The following SH3RF2 variants were observed in gnomAD, a reference collection of about 807,000 sequenced individuals.
SH3RF2 encodes SH3 domain containing ring finger 2, also known as E3 ubiquitin-protein ligase SH3RF2.
A neutral mutation model predicts 59.0 loss-of-function variants in SH3RF2; 43 were observed. The ratio of observed to expected loss-of-function variants is 0.73; its 90% confidence interval spans 0.57 to 0.94. The LOEUF (loss-of-function observed/expected upper bound fraction) is 0.94, where lower values mean the gene tolerates loss of function less well. Ranked by LOEUF, SH3RF2 falls within the 40% of genes least tolerant of loss-of-function variation. The pLI, the probability that SH3RF2 is intolerant of heterozygous loss-of-function variation, is 0.00. For missense variants in SH3RF2, 930 were observed against 940.1 expected (o/e 0.99, Z 0.14); for synonymous variants, 391 against 391.5 (o/e 1.00, Z 0.01).
In SH3RF2 at chr5:146,000,317, C is replaced by G; in HGVS notation, c.638C>G (p.Thr213Ser). ...KDKSENQDCLTFLKDDIITVI... is the reference protein window; with the variant it reads ...KDKSENQDCLSFLKDDIITVI... Reference sequence around the variant, plus strand: ...AAGAGTGAGAACCAGGATTGCCTGACCTTCCTCAAGGTAGGATTCTGGGTG... The same window carrying G: ...AAGAGTGAGAACCAGGATTGCCTGAGCTTCCTCAAGGTAGGATTCTGGGTG... Residue 213 changes from threonine (T) to serine (S), a missense_variant, in exon 3 of 10, where the codon ACC becomes AGC. Transcript: ENST00000359120. 1 of 1,613,102 alleles carries G rather than the reference C, an allele frequency of 6.2e-7. No individual in the cohort carries two copies. The highest frequency in any genetic ancestry group is 8.5e-7 in the Non-Finnish European group (1 of 1,179,656).
intron 5 of SH3RF2, among the ~76,000 whole-genome samples, chr5:146,042,529 T>C (rs906624214): frequency 6.6e-6 from 1 of 152,230 alleles, no homozygotes; most frequent in African/African-American, 2.4e-5. Flanking sequence ...TTGTCCAAGA[T>C]CACAGGTTCT....
intron 9 of SH3RF2, among the ~76,000 whole-genome samples, chr5:146,061,846 G>A (rs1326780990): frequency 6.6e-6 from 1 of 152,090 alleles, no homozygotes; most frequent in African/African-American, 2.4e-5. Flanking sequence ...AGAGACATAT[G>A]AAATTCTGAT....
At chr5:145,974,153 G>T (rs1759197289) in intron 2 of SH3RF2, among the ~76,000 whole-genome samples, 1 of 152,190 alleles carries the variant, frequency 6.6e-6, no homozygotes, top group African/African-American at 2.4e-5. Flanking sequence ...CCTGCTGTTG[G>T]CTGGAAGCTT....
At chr5:145,940,357 C>A (rs1482144224) in intron 2 of SH3RF2, among the ~76,000 whole-genome samples, 1 of 152,202 alleles carries the variant, frequency 6.6e-6, no homozygotes, top group African/African-American at 2.4e-5. Flanking sequence ...GGGATATGAA[C>A]AAACCTATTT....
chr5:145,978,805 G>A (rs1383311817), intron 2 of SH3RF2, among the ~76,000 whole-genome samples: 1 of 152,136 alleles, frequency 6.6e-6, no homozygotes. Flanking sequence ...GTTCACTTAG[G>A]GTAATTATAG....
At chr5:146,042,142 C>T (rs903007431) in intron 5 of SH3RF2, among the ~76,000 whole-genome samples, 11 of 152,012 alleles carry the variant, frequency 7.2e-5, no homozygotes, top group Admixed American at 2.0e-4. Context: ...CTGAGAGCCA[C>T]GGCATGGGAT....
chr5:145,963,022 C>T (rs1039645018), intron 2 of SH3RF2, among the ~76,000 whole-genome samples: 1 of 151,478 alleles, frequency 6.6e-6, no homozygotes, highest in Admixed American at 6.6e-5. Context: ...CTCAGCCACC[C>T]GAGTAGCTGG....
intron 3 of SH3RF2, among the ~76,000 whole-genome samples, chr5:146,000,941 G>T (rs1349582260): frequency 1.3e-5 from 2 of 152,130 alleles, no homozygotes; most frequent in Non-Finnish European, 2.9e-5. Context: ...TCATGTATGT[G>T]GCAGGGTATT....
In SH3RF2 at chr5:145,992,734, C is replaced by T. The variant is rs1759997048; in HGVS notation, c.379-7324C>T. ...TATCATAAGAACAGCACAGGAAAGA[C>T]TTGCCCCTGTGATTCAATTACCTCC... On this transcript the variant is annotated intron_variant, in intron 2 of 9. Transcript: ENST00000359120. Among the ~76,000 whole-genome samples the T allele has an allele frequency of 2.0e-5, 3 of 152,118 alleles. No individual in the cohort carries two copies. In the South Asian group the frequency reaches 6.2e-4, roughly 32 times the overall value.
At chr5:146,052,765 T>A (rs923109537) in intron 7 of SH3RF2, among the ~76,000 whole-genome samples, 5 of 152,190 alleles carry the variant, frequency 3.3e-5, no homozygotes. Flanking sequence ...ATTTCCTTGG[T>A]GGGAAGTTTA....
intron 2 of SH3RF2, among the ~76,000 whole-genome samples, chr5:145,942,896 G>A (rs1757872195): frequency 6.6e-6 from 1 of 152,126 alleles, no homozygotes. Context: ...TGGTGAAGTG[G>A]GCTGTATTTG....
At chr5:145,943,749 A>C (rs1371902513) in intron 2 of SH3RF2, among the ~76,000 whole-genome samples, 1 of 152,044 alleles carries the variant, frequency 6.6e-6, no homozygotes, top group Non-Finnish European at 1.5e-5. Flanking sequence ...TGTCTGGCCA[A>C]GCAGTGGACA....
chr5:146,056,367 T>C, intron 8 of SH3RF2, 154 bp downstream of exon 8: 1 of 1,274,248 alleles, frequency 7.8e-7, no homozygotes, highest in Non-Finnish European at 1.1e-6. Flanking sequence ...TGAGTTTTAT[T>C]GAATGAAGTC....
chr5:146,064,664 G>GAAAA (rs1561773093), downstream of SH3RF2, among the ~76,000 whole-genome samples: 1 of 4,252 alleles, frequency 2.4e-4, no homozygotes, highest in African/African-American at 4.4e-4. Flanking sequence ...GAGAGAGAAA[G>GAAAA]AGAAAGAAAG....
In SH3RF2 at chr5:146,015,538, G is replaced by A. The variant is rs114649343; in HGVS notation, c.1059+1477G>A. ...AAAGAGTCACAGAATTTTTTGAAAC[G>A]ATTCTTTATATATAGTCATAGATAT... is the stretch of plus-strand genomic sequence containing the variant. On this transcript the variant is annotated intron_variant, in intron 5 of 9. Coordinates refer to ENST00000359120, the MANE Select transcript of SH3RF2 (RefSeq NM_152550.4). Among the ~76,000 whole-genome samples, 882 of 152,170 alleles carry A rather than the reference G, an allele frequency of 5.8e-3. 5 individuals are homozygous for A. Among genetic ancestry groups the A allele is most frequent in the African/African-American group, 7.7e-3 (319 of 41,522 alleles).
intron 5 of SH3RF2, among the ~76,000 whole-genome samples, chr5:146,044,558 G>A (rs144277314): frequency 1.5e-4 from 23 of 152,176 alleles, no homozygotes; most frequent in African/African-American, 5.5e-4. Context: ...CATCTTCTGT[G>A]GTATCTGTTG....
intron 5 of SH3RF2, among the ~76,000 whole-genome samples, chr5:146,027,950 C>A (rs143953658): frequency 6.6e-6 from 1 of 152,304 alleles, no homozygotes; most frequent in Admixed American, 6.5e-5. Context: ...ACATTGCTTA[C>A]TTCCTTGATT....
rs757126069 is a variant in SH3RF2, at chr5:146,004,172, T to C, written c.744+19T>C. ...TGTAGAGGTACGTGAGTATCAAGTCTACATCTGATTTACGCATACACAGAA... is the reference window on the plus strand; with the variant it reads ...TGTAGAGGTACGTGAGTATCAAGTCCACATCTGATTTACGCATACACAGAA... On this transcript the variant is annotated intron_variant, in intron 4 of 9. Transcript: ENST00000359120. 1.9e-6 allele frequency: 3 copies of C among 1,593,096 alleles called. No individual in the cohort carries two copies. The highest frequency in any genetic ancestry group is 2.6e-6 in the Non-Finnish European group (3 of 1,162,842).
intron 2 of SH3RF2, among the ~76,000 whole-genome samples, chr5:145,993,533 C>T (rs1198793974): frequency 6.6e-6 from 1 of 152,204 alleles, no homozygotes; most frequent in Non-Finnish European, 1.5e-5. Context: ...GCAGAGGTTC[C>T]CAAACCTCAA....
Sources: allele counts gnomAD v4.1 joint callset (sites outside exome capture counted in the v4.1 genomes callset), GRCh38; gene constraint gnomAD v4.1.1; transcripts MANE v1.5; gene names NCBI Gene and HGNC (gene_info 2026-07-23, HGNC 2026-07-21).